SIGLEC12: variants seen among roughly 807,000 people sequenced by gnomAD.
SIGLEC12 encodes the protein sialic acid binding Ig like lectin 12.
SIGLEC12 carries 43 observed loss-of-function variants against 54.1 expected under a neutral mutation model. The observed-to-expected ratio is 0.80, with a 90% CI of 0.62 to 1.03. The LOEUF is 1.03. SIGLEC12 is among the 50% of genes least tolerant of loss of function. The pLI, the probability that SIGLEC12 is intolerant of heterozygous loss-of-function variation, is 0.00. For missense variants in SIGLEC12, 802 were observed against 735.2 expected, an observed-to-expected ratio of 1.09 and a Z score of -1.05; for synonymous variants, 357 against 307.6, an observed-to-expected ratio of 1.16 and a Z score of -1.68.
At chr19:51,499,276 C>A in intron 3 of SIGLEC12, 59 bp from the exon 4 acceptor site, 1 of 1,598,134 alleles carries the variant, frequency 6.3e-7, no homozygotes, top group Non-Finnish European at 8.6e-7. Flanking sequence ...CTGACCCTGT[C>A]TCCCCAGGAG....
chr19:51,501,405 T>A lies in SIGLEC12; in HGVS notation c.329A>T (p.Asp110Val). 1.2e-6 allele frequency: 2 copies of A among 1,614,208 alleles called. No homozygotes were observed. Among genetic ancestry groups the A allele is most frequent in the Non-Finnish European group, 1.7e-6 (2 of 1,180,030 alleles). Residue 110 changes from aspartate (D) to valine (V), a missense_variant, in exon 1 of 8, where the codon GAC becomes GTC. Coordinates refer to ENST00000291707, the MANE Select transcript of SIGLEC12 (RefSeq NM_053003.4). ...TGTCCCTGCATCACTCTCTCTGGTG[T>A]CTCTGATGCTCAGGGTACAATCCTT... ...QNKDCTLSIR[D>V]TRESDAGTYV... is the part of the protein sequence containing the mutation.
chr19:51,497,966 C>A, intron 5 of SIGLEC12, 52 bp downstream of exon 5: 1 of 1,599,870 alleles, frequency 6.3e-7, no homozygotes, highest in South Asian at 1.1e-5. Flanking sequence ...CCCAGCTGGA[C>A]CCTGAGGGTG....
chr19:51,500,436 C>T (rs1325671872), intron 1 of SIGLEC12, 136 bp from the exon 2 acceptor site: 1 of 1,523,990 alleles, frequency 6.6e-7, no homozygotes, highest in Non-Finnish European at 8.9e-7. Context: ...AGAGGAGGGG[C>T]AGGGCTGTGG....
rs1451330736 is a variant in SIGLEC12 at position 51,499,212 on chromosome 19, G to T, written c.1093C>A (p.Pro365Thr). 6.2e-7 allele frequency: 1 copy of T among 1,614,100 alleles called. No individual in the cohort carries two copies. Among genetic ancestry groups the T allele is most frequent in the African/African-American group, 1.3e-5 (1 of 75,032 alleles). Residue 365 changes from proline (P) to threonine (T), a missense_variant, in exon 4 of 8, where the codon CCT (proline) becomes ACT (threonine). Physicochemically the swap from Pro to Thr is conservative, Grantham distance 38. Coordinates refer to ENST00000291707, the MANE Select transcript of SIGLEC12 (RefSeq NM_053003.4). ...AAGACAGTCATGGTCAAGTTCTGAGGAGGATCTGGAACAGAAAGACACGGA... is the reference window on the plus strand; with the variant it reads ...AAGACAGTCATGGTCAAGTTCTGAGTAGGATCTGGAACAGAAAGACACGGA... ...RAVRLNISYP[P>T]QNLTMTVFQG... is the part of the protein sequence containing the mutation.
chr19:51,499,853 C>A (rs900520774), intron 2 of SIGLEC12, 67 bp downstream of exon 2: 28 of 1,549,044 alleles, frequency 1.8e-5, no homozygotes, highest in Non-Finnish European at 2.4e-5. Flanking sequence ...GATGGGGGTC[C>A]CACCTCAGCC....
At position 51,501,713 on chromosome 19, in the gene SIGLEC12, C is replaced by T. The variant is rs755122986; in HGVS notation, c.21G>A (p.Leu7=). The change falls in exon 1 of 8, where the codon CTG becomes CTA. Residue 7 remains leucine (L), a synonymous_variant. Coordinates refer to ENST00000291707, the MANE Select transcript of SIGLEC12 (RefSeq NM_053003.4). ...CTCTCCCACAGAGCAGGGGTGGCAG[C>T]AGTAGCAGCAGCAGTAGCATGTGTC... MLLLLL[L]LPPLLCGRVG... The T allele has an allele frequency of 3.7e-6, 6 of 1,609,190 alleles. No individual in the cohort carries two copies. Among genetic ancestry groups the T allele is most frequent in the African/African-American group, 1.3e-5 (1 of 74,828 alleles).
In SIGLEC12 at chr19:51,491,794, G is replaced by T; in HGVS notation, c.1635C>A (p.Pro545=). Residue 545 remains proline, a synonymous_variant, in exon 8 of 8, where the codon CCC becomes CCA. Transcript: ENST00000291707. ...PLIESPADDS[P]PHHAPPALAT... ...CCAGGGCTGGCGGAGCATGGTGTGG[G>T]GGGCTGTCATCTGCCGGGGATTCAA... is the stretch of plus-strand genomic sequence containing the variant. 1 of 1,595,098 alleles carries T rather than the reference G, an allele frequency of 6.3e-7. No homozygotes were observed.
chr19:51,501,319 C>T lies in SIGLEC12; in HGVS notation c.415G>A (p.Val139Met). ...GCCCGTGCCTTACCTGTCACATTCACAGAGAGCTGGTCATATTTATAATTC... is the reference window on the plus strand; with the variant it reads ...GCCCGTGCCTTACCTGTCACATTCATAGAGAGCTGGTCATATTTATAATTC... ...KWNYKYDQLS[V>M]NVTASQDLLS... is the part of the protein sequence containing the mutation. The change falls in exon 1 of 8, where the codon GTG becomes ATG. Residue 139 changes from valine to methionine, a missense_variant. Val to Met is a conservative substitution (Grantham distance 21, BLOSUM62 1). Transcript: ENST00000291707. 6.2e-7 allele frequency: 1 copy of T among 1,614,160 alleles called. No homozygotes were observed. The highest frequency in any genetic ancestry group is 8.5e-7 in the Non-Finnish European group (1 of 1,179,980).
chr19:51,491,955 T>C lies in SIGLEC12; in HGVS notation c.1600-126A>G, dbSNP rs1599948806. ...CCCATGTGCACTTTGCTGAAATCTCTTTAATACGTTCCTCTAATGTCTAAT... is the reference window on the plus strand; with the variant it reads ...CCCATGTGCACTTTGCTGAAATCTCCTTAATACGTTCCTCTAATGTCTAAT... On this transcript the variant is annotated intron_variant, in intron 7 of 7. Transcript: ENST00000291707. 5 of 641,208 alleles carry C rather than the reference T, an allele frequency of 7.8e-6. No individual in the cohort carries two copies. In the East Asian group the frequency reaches 1.5e-4, roughly 19 times the overall value. The allele number at this position is 641,208 out of a possible 1,614,324, so 39.7% of individuals were successfully genotyped here.
chr19:51,491,779 C>T lies in SIGLEC12; in HGVS notation c.1650G>A (p.Pro550=), dbSNP rs777975503. ...CTGGGGAGGGGGTGGCCAGGGCTGG[C>T]GGAGCATGGTGTGGGGGGCTGTCAT... ...PADDSPPHHA[P]PALATPSPEE... Residue 550 remains proline (P), a synonymous_variant, in exon 8 of 8, where the codon CCG becomes CCA. Transcript: ENST00000291707. 3.2e-5 allele frequency: 52 copies of T among 1,604,118 alleles called. No individual in the cohort carries two copies. The highest frequency in any genetic ancestry group is 1.7e-4 in the Middle Eastern group (1 of 6,018).
At chr19:51,493,539 ACTC>A (rs1322674140) in intron 7 of SIGLEC12, among the ~76,000 whole-genome samples, 1 of 150,890 alleles carries the variant, frequency 6.6e-6, no homozygotes, top group African/African-American at 2.4e-5. Context: ...TTCTATCTGA[ACTC>A]CTCCTTTTTT....
intron 3 of SIGLEC12, 35 bp from the exon 4 acceptor site, chr19:51,499,252 G>A (rs934410526): frequency 1.2e-6 from 2 of 1,610,824 alleles, no homozygotes; most frequent in Non-Finnish European, 1.7e-6. Flanking sequence ...CCATCACTTT[G>A]AGGACTGGGG....
rs747982839 is a variant in SIGLEC12, at chr19:51,499,939, C to T, written c.789G>A (p.Lys263=). The T allele has an allele frequency of 1.9e-6, 3 of 1,612,306 alleles. No individual in the cohort carries two copies. In the Admixed American group the frequency reaches 5.0e-5, roughly 27 times the overall value. Reference sequence around the variant, plus strand: ...ATTTACCTGTCACATGCACAGAGAGCTTGTCATATATGTAGTTCCATTTCC... The same window carrying T: ...ATTTACCTGTCACATGCACAGAGAGTTTGTCATATATGTAGTTCCATTTCC... ...GSRKWNYIYD[K]LSVHVTALTH... The change falls in exon 2 of 8, where the codon AAG becomes AAA. Residue 263 remains lysine, a synonymous_variant. Transcript: ENST00000291707.
rs111359670 is a variant in SIGLEC12 at position 51,497,539 on chromosome 19, C to A, written c.1406-94G>T. On this transcript the variant is annotated intron_variant, in intron 5 of 7. Transcript: ENST00000291707. ...TGTAGGGCCCCAGACTTGGGTACCC[C>A]AGTCCCGCTTCCCGGACAGAAAGAA... is the stretch of plus-strand genomic sequence containing the variant. 677 of 843,832 alleles carry A rather than the reference C, an allele frequency of 8.0e-4. 3 individuals are homozygous for A. The African/African-American group carries it at 9.5e-3, about 12-fold the overall frequency. 52.3% of individuals were successfully genotyped at this position (843,832 alleles called of 1,614,324 possible). A position where few individuals can be genotyped will look rare whatever the true frequency, so the allele number is the denominator to read the frequency against.
chr19:51,495,257 GTGGGTGGATGGA>G (rs1990201149), intron 7 of SIGLEC12, among the ~76,000 whole-genome samples: 5 of 96,480 alleles, frequency 5.2e-5, no homozygotes, highest in South Asian at 4.2e-4. Flanking sequence ...GGACGGGTGG[GTGGGTGGATGGA>G]TGGATGGATG....
At position 51,500,783 on chromosome 19, in the gene SIGLEC12, C is replaced by T. The variant is rs370354496; in HGVS notation, c.428-483G>A. Among the ~76,000 whole-genome samples, 598 of 151,882 alleles carry T rather than the reference C, an allele frequency of 3.9e-3. 4 individuals are homozygous for T. Among genetic ancestry groups the T allele is most frequent in the African/African-American group, 0.013 (555 of 41,374 alleles). ...TGGAGGGGCCGTGTGCTGAGTCTCCCTGTCCAGGCTCAGGTGCCTCTGCTG... is the reference window on the plus strand; with the variant it reads ...TGGAGGGGCCGTGTGCTGAGTCTCCTTGTCCAGGCTCAGGTGCCTCTGCTG... On this transcript the variant is annotated intron_variant, in intron 1 of 7. Coordinates refer to ENST00000291707, the MANE Select transcript of SIGLEC12 (RefSeq NM_053003.4).
chr19:51,496,814 A>G (rs981040875), intron 7 of SIGLEC12, 66 bp downstream of exon 7: 50 of 1,542,610 alleles, frequency 3.2e-5, no homozygotes, highest in Non-Finnish European at 4.2e-5. Flanking sequence ...GTGAGGAAGT[A>G]ATCCCCTTCC....
At position 51,496,883 on chromosome 19, in the gene SIGLEC12, A is replaced by C; in HGVS notation, c.1596T>G (p.Ser532=). 1 of 1,614,088 alleles carries C rather than the reference A, an allele frequency of 6.2e-7. No homozygotes were observed. The highest frequency in any genetic ancestry group is 8.5e-7 in the Non-Finnish European group (1 of 1,179,962). ...EDANAVRGSA[S]QGPLIESPAD... ...CTGTGATTCAATGCTCACTCACCTGAGAGGCTGAGCCCCTGACAGCGTTTG... is the reference window on the plus strand; with the variant it reads ...CTGTGATTCAATGCTCACTCACCTGCGAGGCTGAGCCCCTGACAGCGTTTG... The change falls in exon 7 of 8, where the codon TCT becomes TCG. Residue 532 remains serine (S), a synonymous_variant. Coordinates refer to ENST00000291707, the MANE Select transcript of SIGLEC12 (RefSeq NM_053003.4).
At chr19:51,499,063 G>A (rs4801871) in intron 4 of SIGLEC12, 107 bp downstream of exon 4, 5 of 1,172,590 alleles carry the variant, frequency 4.3e-6, no homozygotes, top group South Asian at 1.3e-5. Context: ...GGAGGGGGGG[G>A]CCGGGGCTCA....
Sources: gnomAD v4.1 joint callset for allele counts (sites outside exome capture counted in the v4.1 genomes callset) on GRCh38, gnomAD v4.1.1 for gene constraint, MANE v1.5 for transcripts, NCBI Gene and HGNC (gene_info 2026-07-23, HGNC 2026-07-21) for gene names.